ROBO2: variants seen among roughly 807,000 people sequenced by gnomAD.
ROBO2 encodes roundabout homolog 2.
ROBO2 carries 53 observed loss-of-function variants against 160.8 expected under a neutral mutation model. The ratio of observed to expected loss-of-function variants is 0.33; its 90% CI spans 0.26 to 0.41. The LOEUF (loss-of-function observed/expected upper bound fraction) is 0.41. Ranked by LOEUF, ROBO2 falls within the 10% of genes least tolerant of loss-of-function variation. ROBO2 has a pLI of 1.00. For synonymous variants in ROBO2, 664 were observed against 611.7 expected (o/e 1.09, Z -1.26); for missense variants, 1,577 against 1,722.4 (o/e 0.92, Z 1.49).
intron 2 of ROBO2, among the ~76,000 whole-genome samples, chr3:76,241,080 C>G (rs1705254123): frequency 6.6e-6 from 1 of 152,150 alleles, no homozygotes; most frequent in Non-Finnish European, 1.5e-5. Context: ...AGGAATCTAT[C>G]AATAGCATCT....
At chr3:77,634,828 A>C (rs184639816) in intron 23 of ROBO2, 42 bp from the exon 25 acceptor site, 1 of 1,581,934 alleles carries the variant, frequency 6.3e-7, no homozygotes, top group Admixed American at 1.7e-5. Flanking sequence ...AGTGTGCTAT[A>C]ATGTCATTCT....
At chr3:76,209,916 AC>A (rs1703036724) in intron 2 of ROBO2, among the ~76,000 whole-genome samples, 1 of 152,090 alleles carries the variant, frequency 6.6e-6, no homozygotes, top group Non-Finnish European at 1.5e-5. Context: ...ATCAAATTTG[AC>A]TTTTTATGAA....
intron 2 of ROBO2, among the ~76,000 whole-genome samples, chr3:76,517,695 AT>A (rs2081409616): frequency 6.6e-6 from 1 of 152,174 alleles, no homozygotes; most frequent in Admixed American, 6.5e-5. Flanking sequence ...ATTGAAAACC[AT>A]TTAAAGTTTA....
intron 2 of ROBO2, among the ~76,000 whole-genome samples, chr3:77,359,855 C>T (rs1168010536): frequency 2.0e-5 from 3 of 151,936 alleles, no homozygotes; most frequent in Non-Finnish European, 4.4e-5. Context: ...ATATTTTTAT[C>T]GTTTATTTTC....
chr3:76,705,069 G>C (rs1175947377), intron 2 of ROBO2, among the ~76,000 whole-genome samples: 1 of 152,052 alleles, frequency 6.6e-6, no homozygotes, highest in Non-Finnish European at 1.5e-5. Flanking sequence ...GCAGTGCAAA[G>C]CAGTCACGGA....
intron 19 of ROBO2, 43 bp from the exon 21 acceptor site, chr3:77,602,167 C>T (rs369253199): frequency 5.7e-5 from 92 of 1,607,518 alleles, no homozygotes; most frequent in Middle Eastern, 1.6e-4. Flanking sequence ...TTTGGGCTTC[C>T]GGTGCCTCAT....
At chr3:77,552,424 A>T (rs2153654596) in intron 8 of ROBO2, among the ~76,000 whole-genome samples, 1 of 152,154 alleles carries the variant, frequency 6.6e-6, no homozygotes, top group East Asian at 1.9e-4. Flanking sequence ...AGAGCCAGTT[A>T]ATGTGACTGT....
chr3:76,716,780 A>T (rs2093386189), intron 2 of ROBO2, among the ~76,000 whole-genome samples: 1 of 152,102 alleles, frequency 6.6e-6, no homozygotes, highest in African/African-American at 2.4e-5. Flanking sequence ...TGTGTACTTA[A>T]ATCTGCCTGT....
chr3:77,627,966 T>G (rs539546428), intron 23 of ROBO2, among the ~76,000 whole-genome samples: 2 of 152,278 alleles, frequency 1.3e-5, no homozygotes, highest in South Asian at 4.1e-4. Flanking sequence ...ATAAATTAAT[T>G]TTAGTGCTGA....
intron 2 of ROBO2, among the ~76,000 whole-genome samples, chr3:76,294,120 T>C (rs1708947464): frequency 6.6e-6 from 1 of 152,166 alleles, no homozygotes; most frequent in African/African-American, 2.4e-5. Flanking sequence ...TAGCCACAAC[T>C]TTGCTCCAAA....
At chr3:76,127,341 A>G (rs1041134791) in intron 2 of ROBO2, among the ~76,000 whole-genome samples, 6 of 152,138 alleles carry the variant, frequency 3.9e-5, no homozygotes, top group Admixed American at 1.3e-4. Context: ...ATCATAGCTC[A>G]TTTTGTAGGA....
At chr3:77,012,015 G>A (rs1017428073) in intron 2 of ROBO2, among the ~76,000 whole-genome samples, 3 of 151,950 alleles carry the variant, frequency 2.0e-5, no homozygotes, top group African/African-American at 7.3e-5. Context: ...ATATGTATAT[G>A]TTCATTTGAA....
chr3:76,562,809 A>T (rs2084279378), intron 2 of ROBO2, among the ~76,000 whole-genome samples: 1 of 152,168 alleles, frequency 6.6e-6, no homozygotes. Context: ...TTCTGTGATG[A>T]CATACAATAC....
chr3:76,444,509 C>G (rs369099166), intron 2 of ROBO2, among the ~76,000 whole-genome samples: 2 of 152,216 alleles, frequency 1.3e-5, no homozygotes, highest in South Asian at 2.1e-4. Flanking sequence ...AGGAAACCTA[C>G]AATCATGGCA....
At chr3:77,105,041 C>T (rs1369844285) in intron 2 of ROBO2, among the ~76,000 whole-genome samples, 1 of 152,016 alleles carries the variant, frequency 6.6e-6, no homozygotes, top group Non-Finnish European at 1.5e-5. Context: ...CTGACGTTAC[C>T]CTTCCTGAGA....
chr3:77,057,953 C>T (rs2065923220), intron 1 of ROBO2, among the ~76,000 whole-genome samples: 1 of 151,740 alleles, frequency 6.6e-6, no homozygotes, highest in African/African-American at 2.4e-5. Context: ...AACAAAGCTG[C>T]ACGTTCTGCA....
intron 2 of ROBO2, among the ~76,000 whole-genome samples, chr3:76,726,527 T>C (rs956887378): frequency 6.6e-6 from 1 of 152,182 alleles, no homozygotes; most frequent in Non-Finnish European, 1.5e-5. Context: ...TACAACCTTA[T>C]AATTTACTGA....
intron 2 of ROBO2, among the ~76,000 whole-genome samples, chr3:75,939,963 T>C (rs1947970554): frequency 6.6e-6 from 1 of 152,106 alleles, no homozygotes; most frequent in African/African-American, 2.4e-5. Context: ...TGACCCGCAA[T>C]GTCCAAGATT....
chr3:76,122,063 A>G (rs78007464), intron 2 of ROBO2, among the ~76,000 whole-genome samples: 2,391 of 152,356 alleles, frequency 0.016, 63 homozygotes, highest in African/African-American at 0.052. Flanking sequence ...ATTACATGCA[A>G]AAACACTGCA....
Sources: allele counts gnomAD v4.1 joint callset (sites outside exome capture counted in the v4.1 genomes callset), GRCh38; gene constraint gnomAD v4.1.1; transcripts MANE v1.5; gene names NCBI Gene and HGNC (gene_info 2026-07-23, HGNC 2026-07-21).